The following DMRT1 variants were observed in gnomAD, a reference collection of about 807,000 sequenced individuals.
DMRT1 encodes the protein doublesex and mab-3 related transcription factor 1.
A neutral mutation model predicts 32.3 loss-of-function variants in DMRT1; 7 were observed. The observed-to-expected ratio is 0.22, with a 90% confidence interval of 0.12 to 0.41. DMRT1 has a LOEUF of 0.41. Among genes scored for constraint, DMRT1 ranks in the 10% least tolerant of loss-of-function variants. The probability of loss-of-function intolerance (pLI) is 1.00; values close to 1 mark genes in which losing one functional copy is unlikely to be tolerated. For synonymous variants in DMRT1, 278 were observed against 206.1 expected, an observed-to-expected ratio of 1.35 and a Z score of -2.99; for missense variants, 625 against 500.5, an observed-to-expected ratio of 1.25 and a Z score of -2.37.
chr9:964,277 A>G (rs1819863827), intron 4 of DMRT1, among the ~76,000 whole-genome samples: 1 of 152,150 alleles, frequency 6.6e-6, no homozygotes, highest in East Asian at 1.9e-4. Flanking sequence ...TGGCATCAAA[A>G]TCATCTTGAA....
At chr9:928,627 C>A (rs1818606590) in intron 4 of DMRT1, among the ~76,000 whole-genome samples, 1 of 152,098 alleles carries the variant, frequency 6.6e-6, no homozygotes, top group Non-Finnish European at 1.5e-5. Context: ...CTTGGAGAAC[C>A]AGAGACTATA....
In DMRT1 at chr9:871,479, T is replaced by C. The variant is rs567530265; in HGVS notation, c.539-22433T>C. Among the ~76,000 whole-genome samples, 103 of 146,180 alleles carry C rather than the reference T, an allele frequency of 7.0e-4. 1 individual carries two copies. The highest frequency in any genetic ancestry group is 1.1e-3 in the African/African-American group (43 of 37,894). On this transcript the variant is annotated intron_variant, in intron 2 of 4. Transcript: ENST00000382276. ...TCCAGAGTAGCTGGGACTACAGGCA[T>C]GCGCCACCACGCCCGGCTAATTTTT...
intron 2 of DMRT1, among the ~76,000 whole-genome samples, chr9:878,278 C>T (rs925888595): frequency 1.5e-5 from 2 of 131,018 alleles, no homozygotes; most frequent in African/African-American, 2.9e-5. Flanking sequence ...AAAGCAGAGT[C>T]GAATAAAGGA....
intron 2 of DMRT1, among the ~76,000 whole-genome samples, chr9:872,131 G>A (rs571086038): frequency 1.7e-3 from 260 of 150,872 alleles, no homozygotes; most frequent in Non-Finnish European, 3.1e-3. Flanking sequence ...GCTTGATTTC[G>A]GCTCACTGCA....
chr9:920,159 T>C (rs566726382), intron 4 of DMRT1, among the ~76,000 whole-genome samples: 1 of 152,280 alleles, frequency 6.6e-6, no homozygotes, highest in East Asian at 1.9e-4. Context: ...GGGAAATATC[T>C]CTACTGGAGA....
intron 4 of DMRT1, among the ~76,000 whole-genome samples, chr9:942,347 C>T (rs1007003365): frequency 3.9e-5 from 6 of 152,168 alleles, no homozygotes; most frequent in Non-Finnish European, 5.9e-5. Context: ...GATCATGGCT[C>T]ACTGCAACCC....
At chr9:852,008 C>T (rs568098107) in intron 2 of DMRT1, among the ~76,000 whole-genome samples, 114 of 151,254 alleles carry the variant, frequency 7.5e-4, no homozygotes, top group African/African-American at 2.6e-3. Flanking sequence ...GGCGCGATCC[C>T]AGCTCACTGC....
intron 3 of DMRT1, 107 bp downstream of exon 3, chr9:894,302 G>C: frequency 8.3e-7 from 1 of 1,207,674 alleles, no homozygotes; most frequent in Non-Finnish European, 1.2e-6. Flanking sequence ...TGCGCCCAGA[G>C]GCACACACAG....
intron 4 of DMRT1, among the ~76,000 whole-genome samples, chr9:918,316 C>T (rs1424455945): frequency 1.3e-5 from 2 of 152,226 alleles, no homozygotes; most frequent in Non-Finnish European, 2.9e-5. Context: ...GAAGAAATTG[C>T]CTGAGCTTCT....
intron 2 of DMRT1, among the ~76,000 whole-genome samples, chr9:884,621 T>C (rs903692856): frequency 6.6e-6 from 1 of 152,216 alleles, no homozygotes; most frequent in African/African-American, 2.4e-5. Context: ...TTGGATCCAG[T>C]CCTTCTGATC....
intron 4 of DMRT1, among the ~76,000 whole-genome samples, chr9:957,209 A>G (rs565854337): frequency 1.5e-4 from 23 of 152,346 alleles, no homozygotes; most frequent in African/African-American, 5.5e-4. Flanking sequence ...GCATGAGCTC[A>G]CCTGTCCTGA....
At chr9:921,431 G>A (rs58710178) in intron 4 of DMRT1, among the ~76,000 whole-genome samples, 24,480 of 152,158 alleles carry the variant, frequency 0.16, 2,425 homozygotes, top group African/African-American at 0.26. Context: ...TTTGGGTAAT[G>A]TGAATAGTGC....
chr9:904,804 C>G (rs573927814), intron 3 of DMRT1, among the ~76,000 whole-genome samples: 1 of 152,108 alleles, frequency 6.6e-6, no homozygotes, highest in African/African-American at 2.4e-5. Context: ...ATTAGCTGGG[C>G]GTGGAGGCAG....
intron 2 of DMRT1, among the ~76,000 whole-genome samples, chr9:860,882 C>G (rs1815628993): frequency 6.6e-6 from 1 of 152,138 alleles, no homozygotes; most frequent in African/African-American, 2.4e-5. Flanking sequence ...AGCTGTGAGC[C>G]TGAGTGCTTT....
intron 2 of DMRT1, among the ~76,000 whole-genome samples, chr9:872,524 T>A (rs536177669): frequency 6.6e-6 from 1 of 152,362 alleles, no homozygotes; most frequent in East Asian, 1.9e-4. Context: ...GCCTACTTTC[T>A]ATCTGTATAG....
At chr9:947,060 T>C (rs1819269267) in intron 4 of DMRT1, among the ~76,000 whole-genome samples, 1 of 152,204 alleles carries the variant, frequency 6.6e-6, no homozygotes, top group Non-Finnish European at 1.5e-5. Flanking sequence ...ATTACGTCAC[T>C]TGAAGCAACT....
chr9:891,514 CT>C (rs1241203326), intron 2 of DMRT1, among the ~76,000 whole-genome samples: 144 of 137,218 alleles, frequency 1.0e-3, no homozygotes, highest in Admixed American at 2.4e-3. Flanking sequence ...GGAGGTTTTA[CT>C]TTTTTTTTTT....
At chr9:894,840 G>A (rs1389572527) in intron 3 of DMRT1, 1 of 157,138 alleles carries the variant, frequency 6.4e-6, no homozygotes, top group South Asian at 1.9e-4. Context: ...TTGAGACAGA[G>A]TCTCGCTCTG....
intron 2 of DMRT1, among the ~76,000 whole-genome samples, chr9:854,782 T>C (rs75178833): frequency 7.8e-6 from 1 of 128,556 alleles, no homozygotes; most frequent in Non-Finnish European, 1.7e-5. Flanking sequence ...CTTTTTTTTT[T>C]TGAAACAGAG....
Sources: allele counts gnomAD v4.1 joint callset (sites outside exome capture counted in the v4.1 genomes callset), GRCh38; gene constraint gnomAD v4.1.1; transcripts MANE v1.5; gene names NCBI Gene and HGNC (gene_info 2026-07-23, HGNC 2026-07-21).